Variants in P2RX5 observed in about 807,000 individuals in gnomAD.
P2RX5 encodes P2X purinoceptor 5.
P2RX5 carries 46 observed loss-of-function variants against 54.1 expected under a neutral mutation model. The observed-to-expected ratio is 0.85, with a 90% CI of 0.67 to 1.09. The LOEUF (loss-of-function observed/expected upper bound fraction) is 1.09, where lower values mean the gene tolerates loss of function less well. Ranked by LOEUF, P2RX5 falls within the 50% of genes least tolerant of loss-of-function variation. The pLI, the probability that P2RX5 is intolerant of heterozygous loss-of-function variation, is 0.00. For synonymous variants in P2RX5, 226 were observed against 226.4 expected (o/e 1.00, Z 0.02); for missense variants, 566 against 549.8 (o/e 1.03, Z -0.29).
At chr17:3,723,695 G>A in the P2RX5 span, 1 of 1,599,560 alleles carries the variant, frequency 6.3e-7, no homozygotes, top group Non-Finnish European at 8.5e-7. Flanking sequence ...TACCTGAACC[G>A]AACTGTACGC....
intron 1 of P2RX5, among the ~76,000 whole-genome samples, chr17:3,693,969 T>TCTCTAGCCTTACCCCC (rs1348584707): frequency 6.6e-6 from 1 of 152,066 alleles, no homozygotes; most frequent in Admixed American, 6.6e-5. Flanking sequence ...TTTACCACGT[T>TCTCTAGCCTTACCCCC]GGTCAGGCTA....
chr17:3,697,185 C>G (rs1366793547), upstream of P2RX5, among the ~76,000 whole-genome samples: 1 of 152,058 alleles, frequency 6.6e-6, no homozygotes, highest in Non-Finnish European at 1.5e-5. Context: ...CACAGGCAAC[C>G]CACCCTAGGA....
At chr17:3,682,128 C>T in intron 9 of P2RX5, 150 bp from the exon 10 acceptor site, 1 of 684,548 alleles carries the variant, frequency 1.5e-6, no homozygotes, top group South Asian at 1.5e-5. Flanking sequence ...CAGCAAGGGG[C>T]ACCCTTGTCC....
chr17:3,699,052 G>GACAGACACACACACACAC (rs1555571232), upstream of P2RX5, among the ~76,000 whole-genome samples: 2 of 40,848 alleles, frequency 4.9e-5, no homozygotes, highest in African/African-American at 9.6e-5. Context: ...TATATAGACA[G>GACAGACACACACACACAC]ACACACACAC....
At chr17:3,680,002 G>A (rs1223034976) in intron 10 of P2RX5, among the ~76,000 whole-genome samples, 1 of 51,960 alleles carries the variant, frequency 1.9e-5, no homozygotes, top group African/African-American at 7.9e-5. Context: ...CTTCCTCCAC[G>A]TGGCGTCCTC....
At chr17:3,710,567 A>C in the P2RX5 span, among the ~76,000 whole-genome samples, 1 of 151,956 alleles carries the variant, frequency 6.6e-6, no homozygotes. Flanking sequence ...GAAAATCTTA[A>C]CCAAAAACCC....
upstream of P2RX5, chr17:3,696,427 G>T (rs2050760630): frequency 6.4e-6 from 1 of 155,798 alleles, no homozygotes; most frequent in South Asian, 2.1e-4. Context: ...AAAGGGGGAA[G>T]GGCTCCTTTT....
Position 3,696,119 on chromosome 17 carries a change from C to G in P2RX5, c.-114G>C. 2 of 1,178,532 alleles carry G rather than the reference C, an allele frequency of 1.7e-6. No homozygotes were observed. The highest frequency in any genetic ancestry group is 2.2e-6 in the Non-Finnish European group (2 of 892,290). The allele number at this position is 1,178,532 out of a possible 1,614,324, so 73.0% of individuals were successfully genotyped here. On this transcript the variant is annotated 5_prime_UTR_variant, in exon 1 of 12. Transcript: ENST00000225328. Reference sequence around the variant, plus strand: ...CCGCCTCGGCCCGTCTGCGCCCGCTCAGCTGCAGCCCGGGGTGTCCGGCAG... The same window carrying G: ...CCGCCTCGGCCCGTCTGCGCCCGCTGAGCTGCAGCCCGGGGTGTCCGGCAG...
At chr17:3,711,447 A>T in the P2RX5 span, among the ~76,000 whole-genome samples, 1 of 123,486 alleles carries the variant, frequency 8.1e-6, no homozygotes, top group Non-Finnish European at 1.5e-5. Flanking sequence ...CAGTGGCGCG[A>T]TCTTGGCTCA....
the P2RX5 span, among the ~76,000 whole-genome samples, chr17:3,706,365 G>A: frequency 3.3e-5 from 5 of 152,046 alleles, no homozygotes; most frequent in African/African-American, 9.7e-5. Flanking sequence ...AAAGTGCTGG[G>A]GTTACAGCTG....
the P2RX5 span, among the ~76,000 whole-genome samples, chr17:3,701,709 A>AAATAAT: frequency 1.3e-5 from 2 of 149,350 alleles, no homozygotes; most frequent in South Asian, 2.1e-4. Context: ...AAAAAAAAAA[A>AAATAAT]AAAAAAAAAA....
At chr17:3,681,446 G>A (rs222774) in intron 10 of P2RX5, among the ~76,000 whole-genome samples, 75,735 of 151,750 alleles carry the variant, frequency 0.5, 19,857 homozygotes, top group African/African-American at 0.66. Context: ...CCAGGGCCCA[G>A]GAAACTCCGG....
chr17:3,716,617 G>C, the P2RX5 span: 1 of 936,694 alleles, frequency 1.1e-6, no homozygotes, highest in Non-Finnish European at 1.7e-6. Context: ...GAGGTTGGCT[G>C]TCCTAAGGAG....
upstream of P2RX5, among the ~76,000 whole-genome samples, chr17:3,699,094 C>CACA (rs57191097): frequency 3.5e-4 from 37 of 107,028 alleles, no homozygotes; most frequent in Middle Eastern, 4.1e-3. Flanking sequence ...CACACACACA[C>CACA]CTATATATAT....
intron 10 of P2RX5, 131 bp from the exon 11 acceptor site, chr17:3,679,915 C>T: frequency 1.3e-6 from 1 of 779,982 alleles, no homozygotes. Context: ...CGGTGTCCTC[C>T]ACCCTGCTTC....
At chr17:3,708,375 G>A in the P2RX5 span, among the ~76,000 whole-genome samples, 1 of 151,990 alleles carries the variant, frequency 6.6e-6, no homozygotes, top group African/African-American at 2.4e-5. Flanking sequence ...CCCAGAAGCA[G>A]GGAGCAGCTC....
chr17:3,680,469 G>GCA (rs1179417433), intron 10 of P2RX5, among the ~76,000 whole-genome samples: 1 of 70,212 alleles, frequency 1.4e-5, no homozygotes, highest in Non-Finnish European at 2.5e-5. Context: ...TCCACCCAGT[G>GCA]TCCTCCACCC....
At position 3,679,593 on chromosome 17, in the gene P2RX5, T is replaced by C; in HGVS notation, c.1256A>G (p.His419Arg). The C allele has an allele frequency of 6.2e-7, 1 of 1,606,794 alleles. No individual in the cohort carries two copies. Among genetic ancestry groups the C allele is most frequent in the Non-Finnish European group, 8.5e-7 (1 of 1,179,762 alleles). ...CTCTGCCTAGCAGTGGCCTCACCTG[T>C]GGGGCTCCAGGAGCTGTGGGCACAC... ...GSVCPQLLEP[H>R]RST The change falls in exon 11 of 12, where the codon CAC (histidine) becomes CGC (arginine). Residue 419 changes from histidine to arginine, a missense_variant. By Grantham distance (29) the His-to-Arg change is conservative. Coordinates refer to ENST00000225328, the MANE Select transcript of P2RX5 (RefSeq NM_002561.4).
chr17:3,715,616 G>A, the P2RX5 span, among the ~76,000 whole-genome samples: 1 of 152,152 alleles, frequency 6.6e-6, no homozygotes, highest in South Asian at 2.1e-4. Context: ...ACTTCGGGAG[G>A]CCAAGATGAG....
Sources: gnomAD v4.1 joint callset for allele counts (sites outside exome capture counted in the v4.1 genomes callset) on GRCh38, gnomAD v4.1.1 for gene constraint, MANE v1.5 for transcripts, NCBI Gene and HGNC (gene_info 2026-07-23, HGNC 2026-07-21) for gene names.